Variants in KAZN observed in about 807,000 individuals in gnomAD.
KAZN encodes the protein kazrin, periplakin interacting protein.
In KAZN, 40 loss-of-function variants were observed where a neutral mutation model predicts 87.4. The ratio of observed to expected loss-of-function variants is 0.46; its 90% confidence interval spans 0.36 to 0.60. The LOEUF is 0.60. Ranked by LOEUF, KAZN falls within the 20% of genes least tolerant of loss-of-function variation. The pLI, the probability that KAZN is intolerant of heterozygous loss-of-function variation, is 0.00. For synonymous variants in KAZN, 466 were observed against 458.3 expected (o/e 1.02, Z -0.22); for missense variants, 898 against 1,073.9 (o/e 0.84, Z 2.29).
chr1:14,011,477 C>G (rs1271791678), intron 1 of KAZN, among the ~76,000 whole-genome samples: 1 of 152,182 alleles, frequency 6.6e-6, no homozygotes. Flanking sequence ...GAGGTCACCT[C>G]CTGGAAATCA....
At chr1:14,563,943 C>T (rs1477198477) in intron 2 of KAZN, among the ~76,000 whole-genome samples, 3 of 133,736 alleles carry the variant, frequency 2.2e-5, no homozygotes, top group African/African-American at 8.1e-5. Context: ...AATCTTGGCT[C>T]ACTGCAACCA....
At chr1:15,089,876 G>C (rs1458472628) in intron 8 of KAZN, among the ~76,000 whole-genome samples, 1 of 152,056 alleles carries the variant, frequency 6.6e-6, no homozygotes, top group African/African-American at 2.4e-5. Flanking sequence ...GTTCTTTGGA[G>C]AACATCTTAC....
chr1:14,006,519 T>G (rs1640043000), intron 1 of KAZN, among the ~76,000 whole-genome samples: 2 of 152,222 alleles, frequency 1.3e-5, no homozygotes, highest in African/African-American at 2.4e-5. Flanking sequence ...TTAGCATATT[T>G]TTGTGTAAGA....
intron 1 of KAZN, among the ~76,000 whole-genome samples, chr1:13,972,232 A>G (rs1360137524): frequency 1.3e-5 from 2 of 151,486 alleles, no homozygotes; most frequent in African/African-American, 4.9e-5. Context: ...ACTAATGAAC[A>G]TCCATGTGTA....
rs1246553298 is a variant in KAZN, at chr1:14,888,409, G to A, written c.227-72275G>A. Among the ~76,000 whole-genome samples, 4 of 152,180 alleles carry A rather than the reference G, an allele frequency of 2.6e-5. No individual in the cohort carries two copies. The East Asian group carries it at 5.8e-4, about 22-fold the overall frequency. ...AAGAGAGAGGAAGCGAGGGACCCAC[G>A]AGGTCAGGTAGGAGGCTCCAATCAG... On this transcript the variant is annotated intron_variant, in intron 1 of 14. Transcript: ENST00000376030.
intron 2 of KAZN, chr1:14,221,915 T>C (rs1387490679): frequency 1.3e-5 from 2 of 152,160 alleles, no homozygotes; most frequent in African/African-American, 4.8e-5. Flanking sequence ...TTCCATTTAC[T>C]TGATGAAAGG....
In KAZN at chr1:14,740,047, T is replaced by A. The variant is rs113138315; in HGVS notation, c.226+140824T>A. On this transcript the variant is annotated intron_variant, in intron 1 of 14. Coordinates refer to ENST00000376030, the MANE Select transcript of KAZN (RefSeq NM_201628.3). The stretch of plus-strand genomic sequence containing the variant: ...CCTTTCTAGGAGGCACCTGGATACA[T>A]CTGCAGTCAACAAGGGACCATCTGC... Among the ~76,000 whole-genome samples, 1,094 of 152,260 alleles carry A rather than the reference T, an allele frequency of 7.2e-3. 11 individuals carry two copies. Among genetic ancestry groups the A allele is most frequent in the Non-Finnish European group, 0.012 (794 of 68,006 alleles).
intron 1 of KAZN, among the ~76,000 whole-genome samples, chr1:14,852,091 G>A (rs1649515860): frequency 6.6e-6 from 1 of 152,218 alleles, no homozygotes; most frequent in South Asian, 2.1e-4. Context: ...CCTCACCTGG[G>A]AGGCAAACGT....
At chr1:13,974,368 G>C (rs1479855929) in intron 1 of KAZN, among the ~76,000 whole-genome samples, 1 of 152,136 alleles carries the variant, frequency 6.6e-6, no homozygotes, top group African/African-American at 2.4e-5. Flanking sequence ...GCTGTAGTGA[G>C]TTGAAAAATG....
intron 2 of KAZN, among the ~76,000 whole-genome samples, chr1:14,219,959 G>A (rs1179500583): frequency 2.0e-5 from 3 of 152,132 alleles, no homozygotes; most frequent in Non-Finnish European, 4.4e-5. Context: ...TTCTTCAGTC[G>A]TTGTCCGCAT....
At chr1:14,915,301 T>G (rs1256521528) in intron 1 of KAZN, among the ~76,000 whole-genome samples, 1 of 152,232 alleles carries the variant, frequency 6.6e-6, no homozygotes. Context: ...AATTAAATGG[T>G]AACTTTTAAG....
chr1:14,188,925 ATATAAT>A (rs1189097921), intron 2 of KAZN, among the ~76,000 whole-genome samples: 2 of 152,142 alleles, frequency 1.3e-5, no homozygotes, highest in African/African-American at 4.8e-5. Context: ...AATGTATGCC[ATATAAT>A]TATAATCTTA....
At chr1:14,087,599 A>C (rs1207958082) in intron 1 of KAZN, among the ~76,000 whole-genome samples, 1 of 151,842 alleles carries the variant, frequency 6.6e-6, no homozygotes, top group Non-Finnish European at 1.5e-5. Context: ...AGTTTTAGAT[A>C]TGTTTCATCA....
chr1:14,913,780 G>C (rs150372919), intron 1 of KAZN, among the ~76,000 whole-genome samples: 1 of 152,234 alleles, frequency 6.6e-6, no homozygotes, highest in Non-Finnish European at 1.5e-5. Context: ...TCGGGCTGAC[G>C]TGCCTGAGTT....
intron 2 of KAZN, among the ~76,000 whole-genome samples, chr1:14,322,395 A>C (rs1656110269): frequency 1.3e-5 from 2 of 152,226 alleles, no homozygotes; most frequent in Non-Finnish European, 2.9e-5. Context: ...TGAATACTAA[A>C]TTCATGCTTG....
chr1:14,380,408 T>A (rs554055712), intron 2 of KAZN, among the ~76,000 whole-genome samples: 1 of 152,324 alleles, frequency 6.6e-6, no homozygotes, highest in South Asian at 2.1e-4. Flanking sequence ...AACAGAGATA[T>A]GTGACCTTTC....
At chr1:14,757,592 A>G (rs906323096) in intron 1 of KAZN, among the ~76,000 whole-genome samples, 1 of 152,230 alleles carries the variant, frequency 6.6e-6, no homozygotes, top group Admixed American at 6.5e-5. Flanking sequence ...AGTGAAGTAC[A>G]TTAGACACTG....
At chr1:14,601,355 C>A (rs566102133) in intron 1 of KAZN, among the ~76,000 whole-genome samples, 1 of 152,004 alleles carries the variant, frequency 6.6e-6, no homozygotes, top group African/African-American at 2.4e-5. Flanking sequence ...AACAAGCCCC[C>A]GTATAAGTTC....
At chr1:14,469,543 T>C (rs968183798) in intron 2 of KAZN, among the ~76,000 whole-genome samples, 1 of 152,182 alleles carries the variant, frequency 6.6e-6, no homozygotes, top group Non-Finnish European at 1.5e-5. Flanking sequence ...AGTTTATCAG[T>C]GAAGATGGCA....
Sources: allele counts gnomAD v4.1 joint callset (sites outside exome capture counted in the v4.1 genomes callset), GRCh38; gene constraint gnomAD v4.1.1; transcripts MANE v1.5; gene names NCBI Gene and HGNC (gene_info 2026-07-23, HGNC 2026-07-21).